TRPM3: variants seen among roughly 807,000 people sequenced by gnomAD.
The protein encoded by TRPM3 is long transient receptor potential channel 3.
In TRPM3, 77 loss-of-function variants were observed where a neutral mutation model predicts 181.2. The observed-to-expected ratio is 0.42, with a 90% CI of 0.35 to 0.51. TRPM3 has a LOEUF of 0.51. Ranked by LOEUF, TRPM3 falls within the 20% of genes least tolerant of loss-of-function variation. The probability of loss-of-function intolerance (pLI) is 0.01; values close to 1 mark genes in which losing one functional copy is unlikely to be tolerated. For synonymous variants in TRPM3, 745 were observed against 796.4 expected, an observed-to-expected ratio of 0.94 and a Z score of 1.09; for missense variants, 1,759 against 2,196.7, an observed-to-expected ratio of 0.80 and a Z score of 3.98.
chr9:71,247,733 G>C (rs561406045), intron 1 of TRPM3, among the ~76,000 whole-genome samples: 1 of 152,228 alleles, frequency 6.6e-6, no homozygotes, highest in East Asian at 1.9e-4. Flanking sequence ...TGGGCAATGG[G>C]ATACTGGAAT....
At chr9:70,557,575 C>T (rs572183147) in intron 22 of TRPM3, among the ~76,000 whole-genome samples, 1 of 152,256 alleles carries the variant, frequency 6.6e-6, no homozygotes, top group South Asian at 2.1e-4. Context: ...GCAGCAGATT[C>T]CAGGATGGGG....
rs150379460 is a variant in TRPM3 at position 71,147,348 on chromosome 9, T to C, written c.184-282837A>G. On this transcript the variant is annotated intron_variant, in intron 1 of 24. Coordinates refer to the TRPM3 transcript ENST00000357533. The stretch of plus-strand genomic sequence containing the variant: ...AGAAAAATTTAATGGACTTGCTTCT[T>C]GCCTTTAAGGAGTTCACCATTTATT... Among the ~76,000 whole-genome samples the C allele has an allele frequency of 1.3e-4, 19 of 151,980 alleles. No individual in the cohort carries two copies. The East Asian group carries it at 3.5e-3, about 28-fold the overall frequency.
intron 1 of TRPM3, among the ~76,000 whole-genome samples, chr9:71,305,623 A>G (rs7023764): frequency 0.15 from 23,241 of 152,186 alleles, 2,773 homozygotes; most frequent in African/African-American, 0.34. Flanking sequence ...AAATTAAATT[A>G]CTAGATAATT....
intron 24 of TRPM3, among the ~76,000 whole-genome samples, chr9:70,552,103 A>G (rs1317838569): frequency 6.6e-6 from 1 of 152,162 alleles, no homozygotes; most frequent in Non-Finnish European, 1.5e-5. Context: ...TGTTTGACAC[A>G]CTTTGAGAAA....
At chr9:71,162,933 G>T (rs2134720127) in intron 1 of TRPM3, among the ~76,000 whole-genome samples, 1 of 152,306 alleles carries the variant, frequency 6.6e-6, no homozygotes, top group South Asian at 2.1e-4. Context: ...TGGTTCACAT[G>T]GGTGTTACAG....
Position 70,554,812 on chromosome 9 carries a change from A to T in TRPM3, c.3224-1502T>A, listed in dbSNP as rs142910100. 6.1e-3 allele frequency among the ~76,000 whole-genome samples: 936 copies of T among 152,314 alleles called. 13 individuals carry two copies. The highest frequency in any genetic ancestry group is 0.022 in the African/African-American group (901 of 41,580). On this transcript the variant is annotated intron_variant, in intron 22 of 25. Coordinates refer to ENST00000677713, the MANE Select transcript of TRPM3 (RefSeq NM_001366145.2). ...AGACCTGGTTTTTATGGCTAAGAAAAGAGGACCAAAGTGCTTCCTTTAGTT... is the reference window on the plus strand; with the variant it reads ...AGACCTGGTTTTTATGGCTAAGAAATGAGGACCAAAGTGCTTCCTTTAGTT...
In TRPM3 at chr9:70,851,254, G is replaced by A. The variant is rs77396653; in HGVS notation, c.463-4663C>T. 4.7e-3 allele frequency among the ~76,000 whole-genome samples: 711 copies of A among 152,292 alleles called. 6 individuals carry two copies. Among genetic ancestry groups the A allele is most frequent in the African/African-American group, 0.016 (678 of 41,554 alleles). ...ATTGTGCACCAGGCACATACATGCT[G>A]TGAGATCCAGAGCCATAGTTAGTAC... On this transcript the variant is annotated intron_variant, in intron 3 of 25. Transcript: ENST00000677713.
intron 22 of TRPM3, chr9:70,579,490 T>C (rs907914987): frequency 6.6e-6 from 1 of 152,192 alleles, no homozygotes; most frequent in African/African-American, 2.4e-5. Context: ...TTGGATGAAC[T>C]AATGATAAGA....
Position 70,676,849 on chromosome 9 carries a change from A to G in TRPM3, c.1345+4657T>C, listed in dbSNP as rs113332087. On this transcript the variant is annotated intron_variant, in intron 9 of 25. Coordinates refer to ENST00000677713, the MANE Select transcript of TRPM3 (RefSeq NM_001366145.2). ...CTTTCATTCTCCCCCAAGGCAAGCC[A>G]TGGAAACTGGAAACCGTCTTCCCCA... Among the ~76,000 whole-genome samples the G allele has an allele frequency of 2.6e-5, 4 of 152,026 alleles. 1 individual carries two copies. Among genetic ancestry groups the G allele is most frequent in the African/African-American group, 9.6e-5 (4 of 41,456 alleles).
chr9:71,327,664 G>A (rs561385333), intron 1 of TRPM3, among the ~76,000 whole-genome samples: 8 of 152,210 alleles, frequency 5.3e-5, no homozygotes, highest in South Asian at 4.2e-4. Context: ...CTGCATATCC[G>A]AAACAAAACA....
At chr9:71,169,259 C>T (rs2076716825) in intron 1 of TRPM3, among the ~76,000 whole-genome samples, 1 of 152,098 alleles carries the variant, frequency 6.6e-6, no homozygotes, top group Non-Finnish European at 1.5e-5. Flanking sequence ...CCAAATAAAA[C>T]ACATCTCCAG....
At chr9:71,158,473 T>C (rs2076112048) in intron 1 of TRPM3, among the ~76,000 whole-genome samples, 1 of 152,196 alleles carries the variant, frequency 6.6e-6, no homozygotes, top group Non-Finnish European at 1.5e-5. Context: ...TCTAGTTACA[T>C]AATGTTCAAA....
chr9:71,179,389 G>A (rs879521484), intron 1 of TRPM3, among the ~76,000 whole-genome samples: 4 of 152,058 alleles, frequency 2.6e-5, no homozygotes, highest in Non-Finnish European at 4.4e-5. Flanking sequence ...AAAACAGCAA[G>A]GTGTACACCA....
chr9:71,420,417 GCCAC>G (rs1373362956), intron 1 of TRPM3, among the ~76,000 whole-genome samples: 1 of 151,828 alleles, frequency 6.6e-6, no homozygotes. Flanking sequence ...AGCAGAATAT[GCCAC>G]CCTAAAATAT....
intron 1 of TRPM3, among the ~76,000 whole-genome samples, chr9:71,328,398 C>T (rs2089868532): frequency 1.3e-5 from 2 of 152,132 alleles, no homozygotes; most frequent in East Asian, 1.9e-4. Context: ...AATCTCCTGA[C>T]CTCGTGATCT....
chr9:70,957,821 A>T (rs1231696573), intron 1 of TRPM3, among the ~76,000 whole-genome samples: 1 of 152,178 alleles, frequency 6.6e-6, no homozygotes, highest in Non-Finnish European at 1.5e-5. Context: ...CTGTAATATG[A>T]AAGTCCTCTT....
At chr9:70,551,937 G>T (rs1426138089) in intron 24 of TRPM3, among the ~76,000 whole-genome samples, 1 of 152,198 alleles carries the variant, frequency 6.6e-6, no homozygotes, top group Non-Finnish European at 1.5e-5. Flanking sequence ...GCATTGCAAG[G>T]TCAGGGAGGG....
chr9:71,380,911 A>C (rs1018584803), intron 1 of TRPM3, among the ~76,000 whole-genome samples: 15 of 149,166 alleles, frequency 1.0e-4, no homozygotes, highest in Non-Finnish European at 2.1e-4. Context: ...TATAGTAGGG[A>C]GTAGGGGATG....
chr9:71,335,140 G>T (rs907299471), intron 1 of TRPM3, among the ~76,000 whole-genome samples: 7 of 152,160 alleles, frequency 4.6e-5, no homozygotes, highest in Admixed American at 1.3e-4. Context: ...TTAATGAAGT[G>T]AAAGTATGTT....
Sources: gnomAD v4.1 joint callset for allele counts (sites outside exome capture counted in the v4.1 genomes callset) on GRCh38, gnomAD v4.1.1 for gene constraint, MANE v1.5 for transcripts, NCBI Gene and HGNC (gene_info 2026-07-23, HGNC 2026-07-21) for gene names.